Variants in CEP164 observed in about 807,000 individuals in gnomAD.
CEP164 encodes the protein centrosomal protein of 164 kDa.
Under a neutral mutation model 182.7 loss-of-function variants are expected in CEP164, and 162 were observed. The ratio of observed to expected loss-of-function variants is 0.89; its 90% CI spans 0.78 to 1.01. The LOEUF is 1.01. Among genes scored for constraint, CEP164 ranks in the 50% least tolerant of loss-of-function variants. The pLI is 0.00. For missense variants in CEP164, 1,735 were observed against 1,790.4 expected, an observed-to-expected ratio of 0.97 and a Z score of 0.56; for synonymous variants, 661 against 690.0, an observed-to-expected ratio of 0.96 and a Z score of 0.66.
intron 28 of CEP164, 58 bp from the exon 29 acceptor site, chr11:117,408,832 A>G: frequency 1.9e-6 from 3 of 1,602,832 alleles, no homozygotes; most frequent in East Asian, 2.2e-5. Context: ...GGAAGGAAAA[A>G]GGAAGGGTAG....
At chr11:117,395,279 C>G (rs1200279101) in intron 23 of CEP164, 88 bp downstream of exon 23, 13 of 1,470,256 alleles carry the variant, frequency 8.8e-6, no homozygotes, top group Middle Eastern at 2.4e-4. Flanking sequence ...TTCATCTGAT[C>G]TGTCCAGGGC....
intron 3 of CEP164, among the ~76,000 whole-genome samples, chr11:117,340,393 T>C (rs950326560): frequency 6.6e-6 from 1 of 152,256 alleles, no homozygotes; most frequent in Non-Finnish European, 1.5e-5. Context: ...TGACGAGTTA[T>C]GATCTAGGCA....
At chr11:117,356,186 A>T (rs2040274430) in intron 5 of CEP164, 2 of 1,065,654 alleles carry the variant, frequency 1.9e-6, no homozygotes, top group South Asian at 5.3e-5. Context: ...CATGTCCCAC[A>T]TGCAGAGCCC....
At chr11:117,403,943 G>A (rs2046410833) in intron 27 of CEP164, among the ~76,000 whole-genome samples, 2 of 151,492 alleles carry the variant, frequency 1.3e-5, no homozygotes, top group East Asian at 1.9e-4. Flanking sequence ...CTTGATTGAT[G>A]CAGCTATTTA....
At position 117,361,915 on chromosome 11, in the gene CEP164, C is replaced by T. The variant is rs547394550; in HGVS notation, c.474C>T (p.Pro158=). The part of the protein sequence containing the change: ...APLRGLVDTP[P]SALRGSQSVS... Reference sequence around the variant, plus strand: ...TACGAGGTCTTGTGGATACCCCACCCTCTGCTCTTCGTGGATCTCAAAGCG... The same window carrying T: ...TACGAGGTCTTGTGGATACCCCACCTTCTGCTCTTCGTGGATCTCAAAGCG... Residue 158 remains proline (P), a synonymous_variant, in exon 6 of 33, where the codon CCC becomes CCT. Transcript: ENST00000278935. 5 of 1,612,168 alleles carry T rather than the reference C, an allele frequency of 3.1e-6. No individual in the cohort carries two copies. In the South Asian group the frequency reaches 3.3e-5, roughly 11 times the overall value.
intron 5 of CEP164, among the ~76,000 whole-genome samples, chr11:117,358,576 C>T (rs552936791): frequency 2.2e-5 from 3 of 133,618 alleles, no homozygotes; most frequent in East Asian, 2.5e-4. Flanking sequence ...CAGAGTTTTG[C>T]TCTGTTGTCC....
chr11:117,395,962 G>A (rs1448536629), intron 24 of CEP164, 92 bp from the exon 25 acceptor site: 1 of 1,548,578 alleles, frequency 6.5e-7, no homozygotes, highest in Non-Finnish European at 8.8e-7. Flanking sequence ...TGACGGATGG[G>A]AGTGAGGGGG....
chr11:117,395,520 T>C, intron 23 of CEP164, 27 bp from the exon 24 acceptor site: 1 of 1,589,418 alleles, frequency 6.3e-7, no homozygotes, highest in Non-Finnish European at 8.6e-7. Flanking sequence ...TGTCTCTGGG[T>C]GCTTCTATCT....
chr11:117,360,063 C>T (rs920228267), intron 5 of CEP164, among the ~76,000 whole-genome samples: 3 of 152,200 alleles, frequency 2.0e-5, no homozygotes, highest in Admixed American at 6.5e-5. Flanking sequence ...CTCCTTTCAG[C>T]CACCTTCCTC....
At chr11:117,337,856 T>C (rs2037442482) in intron 2 of CEP164, among the ~76,000 whole-genome samples, 1 of 152,132 alleles carries the variant, frequency 6.6e-6, no homozygotes, top group African/African-American at 2.4e-5. Flanking sequence ...GGAGGCTCTT[T>C]AGCACGGTCT....
chr11:117,377,848 CTTTCTTTCTTTTCT>C (rs900330646), intron 11 of CEP164, among the ~76,000 whole-genome samples: 8 of 152,066 alleles, frequency 5.3e-5, no homozygotes, highest in East Asian at 3.9e-4. Flanking sequence ...ACATTTCTTT[CTTTCTTTCTTTTCT>C]TTTCTTTCTT....
chr11:117,408,954 A>G lies in CEP164; in HGVS notation c.3674A>G (p.Asp1225Gly). 1 of 1,614,060 alleles carries G rather than the reference A, an allele frequency of 6.2e-7. No homozygotes were observed. Among genetic ancestry groups the G allele is most frequent in the Non-Finnish European group, 8.5e-7 (1 of 1,180,000 alleles). The change falls in exon 29 of 33, where the codon GAC (aspartate) becomes GGC (glycine). Residue 1225 changes from aspartate (D) to glycine (G), a missense_variant. By Grantham distance (94) the Asp-to-Gly change is moderately conservative. Transcript: ENST00000278935. ...AAGGCAGTAACCTTCGACCTCAGTG[A>G]CATGGACAGCCTGAGCAGTGAAAGT... is the stretch of plus-strand genomic sequence containing the variant. Reference protein sequence around the residue: ...TKKAVTFDLSDMDSLSSESSE... With the variant: ...TKKAVTFDLSGMDSLSSESSE...
upstream of CEP164, among the ~76,000 whole-genome samples, chr11:117,326,439 G>A (rs1469441104): frequency 5.4e-5 from 8 of 148,184 alleles, no homozygotes; most frequent in African/African-American, 1.5e-4. Context: ...CATCATATTG[G>A]CCAGGCTGGT....
At chr11:117,410,229 G>A in intron 30 of CEP164, 2 of 586,674 alleles carry the variant, frequency 3.4e-6, no homozygotes, top group Admixed American at 2.9e-5. Context: ...GCTGACTGGG[G>A]CCTTTATTGT....
At chr11:117,356,434 T>A in intron 5 of CEP164, 1 of 1,247,774 alleles carries the variant, frequency 8.0e-7, no homozygotes, top group Non-Finnish European at 1.0e-6. Flanking sequence ...ACTCGAGGTT[T>A]CTGTCATGGG....
chr11:117,360,573 A>G (rs1191113731), intron 5 of CEP164, among the ~76,000 whole-genome samples: 3 of 151,968 alleles, frequency 2.0e-5, no homozygotes, highest in Non-Finnish European at 2.9e-5. Flanking sequence ...GGGTCTTGCT[A>G]TGTTGCCCAG....
chr11:117,362,120 G>C, intron 6 of CEP164, 127 bp downstream of exon 6: 1 of 977,560 alleles, frequency 1.0e-6, no homozygotes, highest in Non-Finnish European at 1.5e-6. Flanking sequence ...TCGTAATCCA[G>C]TTGGGAAAAT....
chr11:117,405,129 C>T (rs2046529872), intron 27 of CEP164, among the ~76,000 whole-genome samples: 1 of 152,168 alleles, frequency 6.6e-6, no homozygotes, highest in African/African-American at 2.4e-5. Flanking sequence ...CCACTTAGCT[C>T]CCTGGCTTCA....
chr11:117,362,977 A>T (rs142674853), intron 7 of CEP164, among the ~76,000 whole-genome samples: 1 of 152,338 alleles, frequency 6.6e-6, no homozygotes, highest in East Asian at 1.9e-4. Flanking sequence ...TCTATGTTGT[A>T]GCATGTATTA....
Sources: allele counts gnomAD v4.1 joint callset (sites outside exome capture counted in the v4.1 genomes callset), GRCh38; gene constraint gnomAD v4.1.1; transcripts MANE v1.5; gene names NCBI Gene and HGNC (gene_info 2026-07-23, HGNC 2026-07-21).